Variants in MYG1 observed in about 807,000 individuals in gnomAD.
MYG1 encodes UPF0160 protein MYG1, mitochondrial.
In MYG1, 36 loss-of-function variants were observed where a neutral mutation model predicts 43.5. The ratio of observed to expected loss-of-function variants is 0.83; its 90% CI spans 0.63 to 1.09. The LOEUF is 1.09. Among genes scored for constraint, MYG1 ranks in the 50% least tolerant of loss-of-function variants. The pLI is 0.00. For missense variants in MYG1, 529 were observed against 495.1 expected (o/e 1.07, Z -0.65); for synonymous variants, 220 against 202.8 (o/e 1.08, Z -0.72).
Position 53,307,138 on chromosome 12 carries a change from C to T in MYG1, c.1120C>T (p.Gln374Ter). ...CTTGGCCCAGCGCTCATACCTCCCA[C>T]AAATCTCCTAGTCTAATAAAACCTT... Reference protein sequence around the residue: ...ATLAQRSYLPQIS With the variant: ...ATLAQRSYLP Residue 374 changes from glutamine (Q) to a stop codon, truncating the protein, a stop_gained, in exon 7 of 7, where the codon CAA (glutamine) becomes TAA (stop). Transcript: ENST00000267103. LOFTEE classifies it high-confidence loss of function. The T allele has an allele frequency of 3.1e-6, 5 of 1,609,844 alleles. No individual in the cohort carries two copies. The highest frequency in any genetic ancestry group is 4.2e-6 in the Non-Finnish European group (5 of 1,177,740).
chr12:53,303,416 A>C, intron 3 of MYG1: 2 of 500,858 alleles, frequency 4.0e-6, no homozygotes, highest in Non-Finnish European at 7.0e-6. Flanking sequence ...GCTGTAATAT[A>C]TGGGGAAGGG....
Position 53,306,835 on chromosome 12 carries a change from C to G in MYG1, c.921C>G (p.Pro307=), listed in dbSNP as rs751595894. 1.9e-6 allele frequency: 3 copies of G among 1,613,608 alleles called. No homozygotes were observed. Among genetic ancestry groups the G allele is most frequent in the Admixed American group, 1.7e-5 (1 of 59,948 alleles). Residue 307 remains proline, a synonymous_variant, in exon 6 of 7, where the codon CCC becomes CCG. Coordinates refer to ENST00000267103, the MANE Select transcript of MYG1 (RefSeq NM_021640.4). ...GACAGTGGCGAATACAGTGTGTGCC[C>G]AAGGAGCCCCACTCATTCCAAAGCC... ...QAGQWRIQCV[P]KEPHSFQSRL...
intron 3 of MYG1, 79 bp from the exon 4 acceptor site, chr12:53,305,829 A>T: frequency 6.7e-7 from 1 of 1,502,536 alleles, no homozygotes; most frequent in Non-Finnish European, 8.9e-7. Context: ...AAGAGTGTGT[A>T]TGAACATACT....
intron 2 of MYG1, among the ~76,000 whole-genome samples, chr12:53,302,005 G>A (rs1399296621): frequency 6.7e-6 from 1 of 150,360 alleles, no homozygotes; most frequent in Admixed American, 6.6e-5. Context: ...CTTTTTTTGA[G>A]ATGGAGTTTC....
At chr12:53,300,374 C>A in intron 2 of MYG1, 112 bp downstream of exon 2, 1 of 793,086 alleles carries the variant, frequency 1.3e-6, no homozygotes, top group Admixed American at 3.1e-5. Context: ...TGCTTCATCA[C>A]TGAAATCAAA....
intron 3 of MYG1, among the ~76,000 whole-genome samples, chr12:53,304,645 A>C (rs1944256868): frequency 6.6e-6 from 1 of 152,024 alleles, no homozygotes; most frequent in Non-Finnish European, 1.5e-5. Flanking sequence ...GTTGGAGTCC[A>C]GTGGTGCCAT....
At chr12:53,304,015 T>G (rs1420352692) in intron 3 of MYG1, among the ~76,000 whole-genome samples, 1 of 151,778 alleles carries the variant, frequency 6.6e-6, no homozygotes, top group Non-Finnish European at 1.5e-5. Flanking sequence ...GGCTAATTTT[T>G]TGTATTTTTA....
intron 2 of MYG1, among the ~76,000 whole-genome samples, chr12:53,300,752 A>C (rs537292198): frequency 1.2e-4 from 19 of 152,150 alleles, no homozygotes; most frequent in African/African-American, 3.6e-4. Context: ...CATCAAACTG[A>C]GTGTCCCTGC....
chr12:53,299,759 G>A lies in MYG1; in HGVS notation c.22G>A (p.Gly8Ser), dbSNP rs1261494438. The A allele has an allele frequency of 3.1e-6, 5 of 1,613,620 alleles. No individual in the cohort carries two copies. Among genetic ancestry groups the A allele is most frequent in the Middle Eastern group, 1.7e-4 (1 of 6,052 alleles). Residue 8 changes from glycine to serine, a missense_variant, in exon 1 of 7, where the codon GGC becomes AGC. Coordinates refer to ENST00000267103, the MANE Select transcript of MYG1 (RefSeq NM_021640.4). ...GCTTATGGGACACCAATTCCTGCGCGGCCTCTTAACGCTGCTGCTGCCGCC... is the reference window on the plus strand; with the variant it reads ...GCTTATGGGACACCAATTCCTGCGCAGCCTCTTAACGCTGCTGCTGCCGCC... MGHQFLRGLLTLLLPPPP... is the reference protein window; with the variant it reads MGHQFLRSLLTLLLPPPP...
At chr12:53,305,386 G>A (rs1326567220) in intron 3 of MYG1, among the ~76,000 whole-genome samples, 2 of 152,128 alleles carry the variant, frequency 1.3e-5, no homozygotes, top group African/African-American at 4.8e-5. Context: ...GACAACTGCT[G>A]ATGTCATGAG....
chr12:53,306,784 CTT>C lies in MYG1; in HGVS notation c.872_873del (p.Phe291CysfsTer5), dbSNP rs767707720. On this transcript the variant is annotated frameshift_variant, in exon 6 of 7. Transcript: ENST00000267103. LOFTEE classifies it high-confidence loss of function. Reference protein sequence around the residue: ...SGLSPPVAIFFVIYTDQAGQW... With the variant: ...SGLSPPVAIFXVIYTDQAGQW... ...GGCTGTCCCCTCCAGTGGCCATCTT[CTT>C]TGTTATCTACACTGACCAGGCTGGA... 1 of 1,614,228 alleles carries C rather than the reference CTT, an allele frequency of 6.2e-7. No homozygotes were observed. The highest frequency in any genetic ancestry group is 1.3e-5 in the African/African-American group (1 of 75,056).
chr12:53,306,446 C>A, intron 5 of MYG1, 126 bp downstream of exon 5: 1 of 1,388,608 alleles, frequency 7.2e-7, no homozygotes, highest in Non-Finnish European at 9.8e-7. Flanking sequence ...TAGGCTCAAG[C>A]AGTCCTCCCA....
At chr12:53,300,103 C>A in intron 1 of MYG1, 47 bp from the exon 2 acceptor site, 1 of 1,544,400 alleles carries the variant, frequency 6.5e-7, no homozygotes, top group South Asian at 1.2e-5. Flanking sequence ...CATTAATCCC[C>A]TACCCGGCGA....
chr12:53,306,577 C>T, intron 5 of MYG1, 103 bp from the exon 6 acceptor site: 2 of 1,300,452 alleles, frequency 1.5e-6, no homozygotes, highest in Non-Finnish European at 1.1e-6. Flanking sequence ...TTCCTGGGCT[C>T]AACTGATCCT....
chr12:53,299,718 C>G lies in MYG1; in HGVS notation c.-20C>G. On this transcript the variant is annotated 5_prime_UTR_variant, in exon 1 of 7. Coordinates refer to ENST00000267103, the MANE Select transcript of MYG1 (RefSeq NM_021640.4). The stretch of plus-strand genomic sequence containing the variant: ...TCCTCTTCCGGGTCGGCGCTCCTGC[C>G]TCCCTGCAGGGAGCTGCTTATGGGA... 6.3e-7 allele frequency: 1 copy of G among 1,598,954 alleles called. No homozygotes were observed. The highest frequency in any genetic ancestry group is 8.5e-7 in the Non-Finnish European group (1 of 1,171,882).
chr12:53,306,312 C>A lies in MYG1; in HGVS notation c.757C>A (p.Arg253=), dbSNP rs1484922727. 4 of 1,614,138 alleles carry A rather than the reference C, an allele frequency of 2.5e-6. No homozygotes were observed. In the East Asian group the frequency reaches 8.9e-5, roughly 36 times the overall value. Residue 253 remains arginine, a synonymous_variant, in exon 5 of 7, where the codon CGA becomes AGA. Transcript: ENST00000267103. The stretch of plus-strand genomic sequence containing the variant: ...CTTGGTGGAAGAGGCCCTTGCCCAG[C>A]GATTCCAGGTATAGGCCTTGGAGGA... ...RALVEEALAQ[R]FQVDPSGEIV...
In MYG1 at chr12:53,306,971, C is replaced by T. The variant is rs763451616; in HGVS notation, c.953C>T (p.Pro318Leu). The change falls in exon 7 of 7, where the codon CCC becomes CTC. Residue 318 changes from proline (P) to leucine (L), a missense_variant. Transcript: ENST00000267103. ...KEPHSFQSRLPLPEPWRGLRD... is the reference protein window; with the variant it reads ...KEPHSFQSRLLLPEPWRGLRD... The stretch of plus-strand genomic sequence containing the variant: ...TACTCCCTCTTTCTGCCCAGGCTGC[C>T]CCTGCCAGAGCCATGGCGGGGTCTT... 5.6e-6 allele frequency: 9 copies of T among 1,613,444 alleles called. No individual in the cohort carries two copies. In the East Asian group the frequency reaches 1.8e-4, roughly 32 times the overall value.
Position 53,299,874 on chromosome 12 carries a change from G to A in MYG1, c.137G>A (p.Arg46Gln). 1.2e-6 allele frequency: 2 copies of A among 1,614,192 alleles called. No homozygotes were observed. The highest frequency in any genetic ancestry group is 2.2e-5 in the East Asian group (1 of 44,880). ...RSRSKLMAPP[R>Q]IGTHNGTFHC... ...CGCAGCAAACTCATGGCACCGCCCC[G>A]AATCGGGACGCACAATGGCACCTTC... The change falls in exon 1 of 7, where the codon CGA becomes CAA. Residue 46 changes from arginine to glutamine, a missense_variant. Physicochemically the swap from Arg to Gln is conservative, Grantham distance 43 (BLOSUM62 1). Coordinates refer to ENST00000267103, the MANE Select transcript of MYG1 (RefSeq NM_021640.4).
chr12:53,303,109 C>A lies in MYG1; in HGVS notation c.405C>A (p.Ile135=). The A allele has an allele frequency of 1.2e-6, 2 of 1,614,208 alleles. No homozygotes were observed. Among genetic ancestry groups the A allele is most frequent in the Non-Finnish European group, 8.5e-7 (1 of 1,180,038 alleles). ...CCAAGCTGAGCAGTGCGGGACTCAT[C>A]TATCTGCACTTCGGGCACAAGCTGC... The part of the protein sequence containing the change: ...WQTKLSSAGL[I]YLHFGHKLLA... The change falls in exon 3 of 7, where the codon ATC becomes ATA. Residue 135 remains isoleucine, a synonymous_variant. Transcript: ENST00000267103.
Sources: gnomAD v4.1 joint callset for allele counts (sites outside exome capture counted in the v4.1 genomes callset) on GRCh38, gnomAD v4.1.1 for gene constraint, MANE v1.5 for transcripts, NCBI Gene and HGNC (gene_info 2026-07-23, HGNC 2026-07-21) for gene names.